Variants in FRYL observed in about 807,000 individuals in gnomAD.
FRYL encodes the protein FRY like transcription coactivator.
FRYL carries 150 observed loss-of-function variants against 351.2 expected under a neutral mutation model. The observed-to-expected ratio is 0.43, with a 90% confidence interval of 0.37 to 0.49. FRYL has a LOEUF of 0.49. FRYL is among the 20% of genes least tolerant of loss of function. FRYL has a pLI of 0.00. For synonymous variants in FRYL, 1,153 were observed against 1,257.1 expected (o/e 0.92, Z 1.75); for missense variants, 3,036 against 3,619.3 (o/e 0.84, Z 4.13).
intron 3 of FRYL, among the ~76,000 whole-genome samples, chr4:48,676,924 T>A (rs1763803013): frequency 6.6e-6 from 1 of 152,250 alleles, no homozygotes; most frequent in African/African-American, 2.4e-5. Context: ...ATAATCACAA[T>A]AAGTATAACT....
Position 48,732,450 on chromosome 4 carries a change from C to T in FRYL, c.-383-21752G>A, listed in dbSNP as rs1474482840. Among the ~76,000 whole-genome samples the T allele has an allele frequency of 5.3e-5, 8 of 152,114 alleles. No individual in the cohort carries two copies. The East Asian group carries it at 1.5e-3, about 29-fold the overall frequency. ...GGCATATAACCAAAGGATTATAAAT[C>T]ATTCTACTATAAAGACACATGCACA... On this transcript the variant is annotated intron_variant, in intron 1 of 63. Transcript: ENST00000358350.
In FRYL at chr4:48,620,701, G is replaced by A. The variant is rs780707687; in HGVS notation, c.252C>T (p.Arg84=). The A allele has an allele frequency of 6.2e-7, 1 of 1,613,852 alleles. No individual in the cohort carries two copies. Among genetic ancestry groups the A allele is most frequent in the South Asian group, 1.1e-5 (1 of 91,056 alleles). ...AAGATTCATCTTCCGTTCCATTTTG[G>A]CGTCTGTACCAGTCAAACAAGGTGC... ...LLRTLFDWYR[R]QNGTEDESYE... Residue 84 remains arginine, a synonymous_variant, in exon 6 of 64, where the codon CGC becomes CGT. Coordinates refer to ENST00000358350, the MANE Select transcript of FRYL (RefSeq NM_015030.2).
At chr4:48,764,550 G>T (rs935523026) in intron 1 of FRYL, among the ~76,000 whole-genome samples, 1 of 148,612 alleles carries the variant, frequency 6.7e-6, no homozygotes, top group Non-Finnish European at 1.5e-5. Context: ...GAAAAGAAAA[G>T]AAAAGAAAAA....
intron 1 of FRYL, among the ~76,000 whole-genome samples, chr4:48,713,854 T>A (rs1274130188): frequency 6.6e-6 from 1 of 152,134 alleles, no homozygotes; most frequent in African/African-American, 2.4e-5. Context: ...ATTCCAAAAT[T>A]AACCACATAG....
intron 2 of FRYL, among the ~76,000 whole-genome samples, chr4:48,703,751 T>C (rs1315070551): frequency 6.6e-6 from 1 of 152,214 alleles, no homozygotes; most frequent in African/African-American, 2.4e-5. Flanking sequence ...ACATAGTTTG[T>C]GTATTTGTGG....
Position 48,549,671 on chromosome 4 carries a change from A to G in FRYL, c.4634-48T>C, listed in dbSNP as rs765632263. 6.7e-7 allele frequency: 1 copy of G among 1,486,314 alleles called. No individual in the cohort carries two copies. The highest frequency in any genetic ancestry group is 9.3e-7 in the Non-Finnish European group (1 of 1,078,320). 92.1% of individuals were successfully genotyped at this position (1,486,314 alleles called of 1,614,324 possible). On this transcript the variant is annotated intron_variant, in intron 38 of 63. Coordinates refer to ENST00000358350, the MANE Select transcript of FRYL (RefSeq NM_015030.2). The surrounding 1 kb of genome is among the most constrained non-coding windows in gnomAD (Gnocchi z 4.2). ...TTTTCTACACCATCTAATTTCTGCC[A>G]ATATAAGCAAACTCTAGTAAGATCC... is the stretch of plus-strand genomic sequence containing the variant.
At chr4:48,774,154 T>A (rs964625616) in intron 1 of FRYL, among the ~76,000 whole-genome samples, 12 of 152,062 alleles carry the variant, frequency 7.9e-5, no homozygotes, top group Non-Finnish European at 1.6e-4. Context: ...GGGGTGGGGA[T>A]GGGATGAAAA....
chr4:48,768,460 G>A (rs1054073697), intron 1 of FRYL, among the ~76,000 whole-genome samples: 4 of 152,122 alleles, frequency 2.6e-5, no homozygotes, highest in Non-Finnish European at 4.4e-5. Context: ...AAACAGAGGC[G>A]AAAATCTTCA....
In FRYL at chr4:48,528,003, C is replaced by T; in HGVS notation, c.7108G>A (p.Gly2370Ser). The change falls in exon 52 of 64, where the codon GGT becomes AGT. Residue 2370 changes from glycine (G) to serine (S), a missense_variant. Gly to Ser is a moderately conservative substitution (Grantham distance 56). Around this residue, in one of 7 missense-constraint regions of FRYL, gnomAD observed 1,987 missense variants for 2,311.7 expected, o/e 0.86. Coordinates refer to ENST00000358350, the MANE Select transcript of FRYL (RefSeq NM_015030.2). ...TTCTTTGGGAGGCCAGATTCTGGACCACAGAGAGAAAGCACATTCATTAGC... is the reference window on the plus strand; with the variant it reads ...TTCTTTGGGAGGCCAGATTCTGGACTACAGAGAGAAAGCACATTCATTAGC... The part of the protein sequence containing the change: ...EKLMNVLSLC[G>S]PESGLPKNPS... The T allele has an allele frequency of 6.3e-7, 1 of 1,580,398 alleles. No homozygotes were observed. The highest frequency in any genetic ancestry group is 8.5e-7 in the Non-Finnish European group (1 of 1,170,550).
chr4:48,706,785 G>C (rs1386160827), intron 2 of FRYL, among the ~76,000 whole-genome samples: 1 of 152,122 alleles, frequency 6.6e-6, no homozygotes, highest in African/African-American at 2.4e-5. Context: ...ACAACCAGCT[G>C]CCCATGTTGT....
At chr4:48,764,029 G>C (rs1774689292) in intron 1 of FRYL, among the ~76,000 whole-genome samples, 1 of 151,700 alleles carries the variant, frequency 6.6e-6, no homozygotes, top group Non-Finnish European at 1.5e-5. Flanking sequence ...ATTAAGCCAG[G>C]CATTGTGGCA....
At chr4:48,628,253 C>G (rs919038563) in intron 4 of FRYL, among the ~76,000 whole-genome samples, 27 of 152,020 alleles carry the variant, frequency 1.8e-4, no homozygotes, top group African/African-American at 5.8e-4. Context: ...TAGGGTAAGG[C>G]CAAAACTGCC....
chr4:48,664,684 G>A (rs757808080), intron 3 of FRYL, among the ~76,000 whole-genome samples: 20 of 152,182 alleles, frequency 1.3e-4, no homozygotes, highest in Middle Eastern at 3.4e-3. Context: ...TAGCTCTCAC[G>A]GCATCTTGTT....
chr4:48,624,664 A>T (rs1403869051), intron 4 of FRYL, among the ~76,000 whole-genome samples: 1 of 152,232 alleles, frequency 6.6e-6, no homozygotes, highest in Non-Finnish European at 1.5e-5. Flanking sequence ...GGATATTGTA[A>T]TGTTAACTTT....
At chr4:48,770,327 T>C (rs1023137827) in intron 1 of FRYL, among the ~76,000 whole-genome samples, 2 of 152,208 alleles carry the variant, frequency 1.3e-5, no homozygotes, top group African/African-American at 4.8e-5. Context: ...TTTTACAAAT[T>C]ACTAATATTT....
chr4:48,603,924 C>A (rs1746196281), intron 11 of FRYL, among the ~76,000 whole-genome samples: 1 of 152,148 alleles, frequency 6.6e-6, no homozygotes, highest in Non-Finnish European at 1.5e-5. Flanking sequence ...CTGTCTCATT[C>A]CTTTAGATTT....
rs1331311549 is a variant in FRYL at position 48,567,540 on chromosome 4, CAACTT to C, written c.2997-125_2997-121del. 2 of 620,576 alleles carry C rather than the reference CAACTT, an allele frequency of 3.2e-6. No individual in the cohort carries two copies. Among genetic ancestry groups the C allele is most frequent in the Admixed American group, 3.8e-5 (1 of 26,270 alleles). The allele number at this position is 620,576 out of a possible 1,614,324, so 38.4% of individuals were successfully genotyped here. On this transcript the variant is annotated intron_variant, in intron 27 of 63. Transcript: ENST00000358350. This position sits in a 1 kb window ranked among gnomAD's most constrained non-coding sequence, Gnocchi z 4.2. ...AATTTTGCATGCTCATGGCAGCACG[CAACTT>C]AATATATGAAAATTAAATGAATATG... is the stretch of plus-strand genomic sequence containing the variant.
chr4:48,510,220 A>C, intron 58 of FRYL, 63 bp from the exon 59 acceptor site: 1 of 1,189,210 alleles, frequency 8.4e-7, no homozygotes, highest in Non-Finnish European at 1.3e-6. Flanking sequence ...GACTCACAAA[A>C]TCATGAGACT....
intron 1 of FRYL, among the ~76,000 whole-genome samples, chr4:48,775,504 T>C (rs1775923383): frequency 6.6e-6 from 1 of 152,174 alleles, no homozygotes; most frequent in Admixed American, 6.5e-5. Context: ...TTGGAAACCC[T>C]TTCTGCCCTC....
Sources: allele counts gnomAD v4.1 joint callset (sites outside exome capture counted in the v4.1 genomes callset), GRCh38; gene constraint gnomAD v4.1.1; regional missense constraint gnomAD v4.1.1; non-coding constraint Gnocchi (gnomAD v3.1); transcripts MANE v1.5; gene names NCBI Gene and HGNC (gene_info 2026-07-23, HGNC 2026-07-21).